MUC6: variants seen among roughly 807,000 people sequenced by gnomAD.
The protein encoded by MUC6 is mucin-6.
Under a neutral mutation model 201.5 loss-of-function variants are expected in MUC6, and 188 were observed. The observed-to-expected ratio is 0.93, with a 90% CI of 0.83 to 1.05. The LOEUF is 1.05. Ranked by LOEUF, MUC6 falls within the 50% of genes least tolerant of loss-of-function variation. The probability of loss-of-function intolerance (pLI) is 0.00; values close to 1 mark genes in which losing one functional copy is unlikely to be tolerated. For synonymous variants in MUC6, 1,228 were observed against 1,389.4 expected (o/e 0.88, Z 2.58); for missense variants, 2,706 against 3,256.9 (o/e 0.83, Z 4.12).
chr11:1,030,257 T>A lies in MUC6; in HGVS notation c.971A>T (p.His324Leu). The A allele has an allele frequency of 6.4e-7, 1 of 1,550,468 alleles. No homozygotes were observed. Residue 324 changes from histidine to leucine, a missense_variant, in exon 8 of 33, where the codon CAC becomes CTC. Coordinates refer to ENST00000421673, the MANE Select transcript of MUC6 (RefSeq NM_005961.3). Reference protein sequence around the residue: ...ACVKTCSNPQHSCSSSCTFGC... With the variant: ...ACVKTCSNPQLSCSSSCTFGC... ...GAAGGTGCAGGAGCTGGAGCAGCTG[T>A]GCTGCGGGTTGGAGCAGGTCTTCAC...
At chr11:1,034,058 C>T (rs561571630) in intron 1 of MUC6, among the ~76,000 whole-genome samples, 5 of 152,196 alleles carry the variant, frequency 3.3e-5, no homozygotes, top group South Asian at 2.1e-4. Flanking sequence ...CCCCCATTAC[C>T]GCTGGACACC....
At position 1,025,363 on chromosome 11, in the gene MUC6, A is replaced by G. The variant is rs772468320; in HGVS notation, c.2804T>C (p.Leu935Pro). Reference protein sequence around the residue: ...SRAIKIFLGGLSVVLADRNYT... With the variant: ...SRAIKIFLGGPSVVLADRNYT... ...GTTTCTGTCCGCCAGCACCACGGACAGGCCCTGTGGGGTGGGGTTGGCATA... is the reference window on the plus strand; with the variant it reads ...GTTTCTGTCCGCCAGCACCACGGACGGGCCCTGTGGGGTGGGGTTGGCATA... The change falls in exon 23 of 33, where the codon CTG becomes CCG. Residue 935 changes from leucine to proline, a missense_variant. By Grantham distance (98) the Leu-to-Pro change is moderately conservative. Around this residue, in one of 10 missense-constraint regions of MUC6, gnomAD observed 1,850 missense variants for 1,958.3 expected, o/e 0.94. Transcript: ENST00000421673. The G allele has an allele frequency of 9.9e-6, 16 of 1,609,326 alleles. No homozygotes were observed. Among genetic ancestry groups the G allele is most frequent in the Non-Finnish European group, 1.4e-5 (16 of 1,177,632 alleles).
At position 1,025,072 on chromosome 11, in the gene MUC6, G is replaced by A. The variant is rs375951643; in HGVS notation, c.2997C>T (p.Cys999=). ...TCCCGTTGAAGTTGCCACACAAGCC[G>A]CAGAGGGGATCCTGCAGACGGTGGC... is the stretch of plus-strand genomic sequence containing the variant. ...RIARASQDPL[C]GLCGNFNGNM... The change falls in exon 24 of 33, where the codon TGC becomes TGT. Residue 999 remains cysteine (C), a synonymous_variant. Transcript: ENST00000421673. The A allele has an allele frequency of 2.8e-4, 448 of 1,612,726 alleles. No individual in the cohort carries two copies. The highest frequency in any genetic ancestry group is 3.6e-4 in the Non-Finnish European group (419 of 1,179,840).
intron 26 of MUC6, 117 bp downstream of exon 26, chr11:1,023,392 G>C: frequency 7.8e-7 from 1 of 1,285,098 alleles, no homozygotes; most frequent in Non-Finnish European, 1.1e-6. Context: ...ATGAATGTGT[G>C]AATTAATGAG....
In MUC6 at chr11:1,029,618, G is replaced by A. The variant is rs1564843674; in HGVS notation, c.1016-3C>T. 6.4e-7 allele frequency: 1 copy of A among 1,572,770 alleles called. No individual in the cohort carries two copies. Among genetic ancestry groups the A allele is most frequent in the Admixed American group, 1.8e-5 (1 of 56,478 alleles). On this transcript the variant is annotated splice_region_variant and splice_polypyrimidine_tract_variant and intron_variant, in intron 8 of 32. Coordinates refer to ENST00000421673, the MANE Select transcript of MUC6 (RefSeq NM_005961.3). ...GGAGAGGTCATTCAGGACCGTACCTGCAGGAGAGGGTCTTCTTGGGGCTTG... is the reference window on the plus strand; with the variant it reads ...GGAGAGGTCATTCAGGACCGTACCTACAGGAGAGGGTCTTCTTGGGGCTTG...
Position 1,028,334 on chromosome 11 carries a change from C to A in MUC6, c.1645G>T (p.Gly549Cys). ...DTTDDFTTSM[G>C]IAEGTASLFV... ...AGCGAGGCGGTGCCCTCGGCGATAC[C>A]CATGCTAGTGGTGAAGTCATCCGTT... The change falls in exon 14 of 33, where the codon GGT (glycine) becomes TGT (cysteine). Residue 549 changes from glycine to cysteine, a missense_variant. Physicochemically the swap from Gly to Cys is radical, Grantham distance 159. Coordinates refer to ENST00000421673, the MANE Select transcript of MUC6 (RefSeq NM_005961.3). The A allele has an allele frequency of 1.2e-6, 2 of 1,612,632 alleles. No individual in the cohort carries two copies. Among genetic ancestry groups the A allele is most frequent in the Non-Finnish European group, 1.7e-6 (2 of 1,179,854 alleles).
chr11:1,031,493 T>A, intron 4 of MUC6, 114 bp downstream of exon 4: 1 of 1,473,450 alleles, frequency 6.8e-7, no homozygotes, highest in Non-Finnish European at 9.0e-7. Context: ...AGGGCCTGGC[T>A]GCATGGCAGC....
At chr11:1,030,366 T>TGCCCCCCCCCCCCCCCCCC in intron 7 of MUC6, 31 bp from the exon 8 acceptor site, 20 of 1,489,476 alleles carry the variant, frequency 1.3e-5, no homozygotes, top group East Asian at 1.0e-4. Context: ...GGTGAGAGGG[T>TGCCCCCCCCCCCCCCCCCC]CCCACCCCCC....
intron 27 of MUC6, 88 bp downstream of exon 27, chr11:1,021,127 G>T: frequency 7.7e-7 from 1 of 1,292,628 alleles, no homozygotes; most frequent in Non-Finnish European, 1.0e-6. Context: ...GCCCCCGAGG[G>T]CTCTCTCCCT....
At position 1,029,234 on chromosome 11, in the gene MUC6, G is replaced by T. The variant is rs1417068425; in HGVS notation, c.1269C>A (p.Leu423=). Residue 423 remains leucine, a synonymous_variant, in exon 10 of 33, where the codon CTC becomes CTA. Transcript: ENST00000421673. ...GCCACAGGGCTCGTCCTACCTGGAG[G>T]AGGATGTAGGTGCAGGTGCCGTGGA... is the stretch of plus-strand genomic sequence containing the variant. ...YRFHGTCTYI[L]LQSPQLPEDG... 4 of 1,607,576 alleles carry T rather than the reference G, an allele frequency of 2.5e-6. No individual in the cohort carries two copies. The highest frequency in any genetic ancestry group is 3.4e-6 in the Non-Finnish European group (4 of 1,177,790).
rs1856520205 is a variant in MUC6, at chr11:1,013,312, A to G, written c.*144T>C. The G allele has an allele frequency of 1.2e-6, 1 of 814,768 alleles. No individual in the cohort carries two copies. The highest frequency in any genetic ancestry group is 1.9e-6 in the Non-Finnish European group (1 of 533,288). 50.5% of individuals were successfully genotyped at this position (814,768 alleles called of 1,614,324 possible). A position where few individuals can be genotyped will look rare whatever the true frequency, so the allele number is the denominator to read the frequency against. On this transcript the variant is annotated 3_prime_UTR_variant, in exon 33 of 33. Coordinates refer to ENST00000421673, the MANE Select transcript of MUC6 (RefSeq NM_005961.3). The stretch of plus-strand genomic sequence containing the variant: ...GCAGCCCCTCTCCAACCGGTGCCCC[A>G]GGGAGCCACGGCCCAGGGCACTTGG...
At position 1,031,897 on chromosome 11, in the gene MUC6, T is replaced by G; in HGVS notation, c.272A>C (p.Asp91Ala). Residue 91 changes from aspartate (D) to alanine (A), a missense_variant, in exon 3 of 33, where the codon GAC (aspartate) becomes GCC (alanine). Asp to Ala is a moderately radical substitution (Grantham distance 126, BLOSUM62 -2). Around this residue, in one of 10 missense-constraint regions of MUC6, gnomAD observed 1,850 missense variants for 1,958.3 expected, o/e 0.94. Coordinates refer to ENST00000421673, the MANE Select transcript of MUC6 (RefSeq NM_005961.3). ...CACGATGATCCGCGAGATGCTCCCG[T>G]CTGGGCCTCGCCGCAGCTGGACACT... The part of the protein sequence containing the change: ...TFSVQLRRGP[D>A]GSISRIIVEL... 1 of 1,613,164 alleles carries G rather than the reference T, an allele frequency of 6.2e-7. No homozygotes were observed. Among genetic ancestry groups the G allele is most frequent in the Non-Finnish European group, 8.5e-7 (1 of 1,179,872 alleles).
rs765146773 is a variant in MUC6, at chr11:1,018,750, G to T, written c.4051C>A (p.Leu1351Met). Residue 1351 changes from leucine (L) to methionine (M), a missense_variant, in exon 31 of 33, where the codon CTG becomes ATG. Transcript: ENST00000421673. ...PTLPKSTNQE[L>M]PGTTATQTTG... ...GTCTGGGTGGCCGTTGTTCCTGGCA[G>T]TTCCTGATTGGTCGATTTTGCTGTG... 1.9e-6 allele frequency: 3 copies of T among 1,567,686 alleles called. No individual in the cohort carries two copies. Among genetic ancestry groups the T allele is most frequent in the Non-Finnish European group, 1.7e-6 (2 of 1,161,234 alleles).
chr11:1,032,732 G>T (rs1179602039), intron 2 of MUC6, among the ~76,000 whole-genome samples: 3 of 150,698 alleles, frequency 2.0e-5, no homozygotes, highest in African/African-American at 7.3e-5. Flanking sequence ...GGGTGTGTGT[G>T]CATGTGTGTT....
intron 31 of MUC6, among the ~76,000 whole-genome samples, chr11:1,015,550 A>G (rs1274523534): frequency 6.6e-6 from 1 of 152,110 alleles, no homozygotes; most frequent in Non-Finnish European, 1.5e-5. Flanking sequence ...CCCAACGGGG[A>G]GGCCAGGCAC....
rs1211504016 is a variant in MUC6, at chr11:1,018,679, G to T, written c.4122C>A (p.Thr1374=). 6.2e-7 allele frequency: 1 copy of T among 1,613,188 alleles called. No individual in the cohort carries two copies. The highest frequency in any genetic ancestry group is 8.5e-7 in the Non-Finnish European group (1 of 1,179,590). ...PTPASTTGPT[T]PQPGQPTRPT... is the part of the protein sequence containing the mutation. ...GCCTCGTGGGTTGTCCTGGCTGTGG[G>T]GTGGTTGGGCCTGTGGTGCTTGCTG... Residue 1374 remains threonine (T), a synonymous_variant, in exon 31 of 33, where the codon ACC becomes ACA. Transcript: ENST00000421673.
intron 31 of MUC6, 107 bp from the exon 32 acceptor site, chr11:1,014,108 G>T: frequency 1.1e-6 from 1 of 917,430 alleles, no homozygotes; most frequent in Non-Finnish European, 1.7e-6. Context: ...GGACTCTCCT[G>T]CCCAAGGTGT....
intron 32 of MUC6, 67 bp downstream of exon 32, chr11:1,013,832 A>G: frequency 1.3e-6 from 2 of 1,518,696 alleles, no homozygotes; most frequent in Non-Finnish European, 8.9e-7. Context: ...GGGTGCCCGA[A>G]CCTCTCTGGG....
chr11:1,030,097 T>G (rs1329491947), intron 8 of MUC6, 116 bp downstream of exon 8: 17 of 1,275,250 alleles, frequency 1.3e-5, no homozygotes, highest in Admixed American at 2.7e-5. Flanking sequence ...GAGCTGGGAC[T>G]CAGGCAGCAG....
Sources: gnomAD v4.1 joint callset for allele counts (sites outside exome capture counted in the v4.1 genomes callset) on GRCh38, gnomAD v4.1.1 for gene constraint, gnomAD v4.1.1 regional missense constraint, MANE v1.5 for transcripts, NCBI Gene and HGNC (gene_info 2026-07-23, HGNC 2026-07-21) for gene names.